Variants in NRXN1 observed in about 807,000 individuals in gnomAD.
The protein encoded by NRXN1 is neurexin-1.
Under a neutral mutation model 150.9 loss-of-function variants are expected in NRXN1, and 39 were observed. The ratio of observed to expected loss-of-function variants is 0.26; its 90% CI spans 0.20 to 0.34. The LOEUF (loss-of-function observed/expected upper bound fraction) is 0.34, where lower values mean the gene tolerates loss of function less well. NRXN1 is among the 10% of genes least tolerant of loss of function. The pLI, the probability that NRXN1 is intolerant of heterozygous loss-of-function variation, is 1.00. For missense variants in NRXN1, 1,815 were observed against 1,949.9 expected, an observed-to-expected ratio of 0.93 and a Z score of 1.30; for synonymous variants, 924 against 757.0, an observed-to-expected ratio of 1.22 and a Z score of -3.62.
chr2:50,728,056 TAATC>T (rs1304380967), intron 5 of NRXN1, among the ~76,000 whole-genome samples: 2 of 152,182 alleles, frequency 1.3e-5, no homozygotes, highest in Non-Finnish European at 2.9e-5. Context: ...TTAAACTTAA[TAATC>T]AACAGATCAA....
intron 5 of NRXN1, among the ~76,000 whole-genome samples, chr2:50,899,824 C>A (rs993227387): frequency 2.0e-5 from 3 of 152,200 alleles, no homozygotes; most frequent in African/African-American, 4.8e-5. Flanking sequence ...ACATGAACTG[C>A]AGTTTAAGAA....
chr2:50,250,290 G>T (rs1486832220), intron 17 of NRXN1, among the ~76,000 whole-genome samples: 2 of 151,968 alleles, frequency 1.3e-5, no homozygotes, highest in Non-Finnish European at 2.9e-5. Flanking sequence ...TATTTTCATA[G>T]AAGATAAAAT....
intron 17 of NRXN1, among the ~76,000 whole-genome samples, chr2:50,242,356 A>G (rs2066084062): frequency 6.6e-6 from 1 of 151,858 alleles, no homozygotes; most frequent in African/African-American, 2.4e-5. Context: ...AGAGTTTTAG[A>G]TCAGGGCAAC....
At chr2:50,475,817 C>T (rs1466540778) in intron 15 of NRXN1, among the ~76,000 whole-genome samples, 1 of 151,582 alleles carries the variant, frequency 6.6e-6, no homozygotes, top group Non-Finnish European at 1.5e-5. Context: ...GCCCTGTGTA[C>T]TATTATCACT....
chr2:50,712,111 G>C (rs1695244854), intron 5 of NRXN1, among the ~76,000 whole-genome samples: 1 of 152,008 alleles, frequency 6.6e-6, no homozygotes, highest in South Asian at 2.1e-4. Context: ...CACATGCTAA[G>C]TGCTATATAT....
At chr2:50,913,418 C>T (rs1684800601) in intron 5 of NRXN1, among the ~76,000 whole-genome samples, 1 of 151,606 alleles carries the variant, frequency 6.6e-6, no homozygotes, top group Admixed American at 6.6e-5. Context: ...TTTATAATGC[C>T]AAGTCCAGAA....
intron 5 of NRXN1, among the ~76,000 whole-genome samples, chr2:50,765,491 G>A (rs182853375): frequency 6.6e-6 from 1 of 152,168 alleles, no homozygotes; most frequent in East Asian, 1.9e-4. Context: ...TAAAGTGGTG[G>A]TGGAGAAGGA....
chr2:50,452,033 C>A (rs564379731), intron 17 of NRXN1, among the ~76,000 whole-genome samples: 1 of 152,040 alleles, frequency 6.6e-6, no homozygotes, highest in Non-Finnish European at 1.5e-5. Context: ...TCTCTGCATT[C>A]GCAAAATATT....
chr2:50,427,252 T>C (rs560659392), intron 17 of NRXN1, among the ~76,000 whole-genome samples: 9 of 152,160 alleles, frequency 5.9e-5, no homozygotes, highest in African/African-American at 2.2e-4. Flanking sequence ...ATACATAAAG[T>C]TGTGCAAGAA....
intron 17 of NRXN1, among the ~76,000 whole-genome samples, chr2:50,456,565 G>T (rs769744510): frequency 6.6e-5 from 10 of 152,066 alleles, no homozygotes; most frequent in Non-Finnish European, 1.2e-4. Context: ...AAGCAAAAGG[G>T]ATCCCTGGGC....
chr2:50,185,199 G>A (rs1270312582), intron 18 of NRXN1, among the ~76,000 whole-genome samples: 2 of 152,064 alleles, frequency 1.3e-5, no homozygotes, highest in Non-Finnish European at 2.9e-5. Flanking sequence ...AACATAGTTA[G>A]ATCTGAGTTG....
chr2:50,298,992 G>A (rs1290509858), intron 17 of NRXN1, among the ~76,000 whole-genome samples: 1 of 152,118 alleles, frequency 6.6e-6, no homozygotes, highest in African/African-American at 2.4e-5. Context: ...ATTTTCAAAA[G>A]ATATTGGCAT....
chr2:50,646,346 A>C (rs1259801584), intron 5 of NRXN1, among the ~76,000 whole-genome samples: 1 of 152,066 alleles, frequency 6.6e-6, no homozygotes, highest in African/African-American at 2.4e-5. Flanking sequence ...TTCCAGGCAG[A>C]TGCTGCATCA....
At chr2:50,316,826 T>C (rs551740998) in intron 17 of NRXN1, among the ~76,000 whole-genome samples, 1 of 151,800 alleles carries the variant, frequency 6.6e-6, no homozygotes, top group South Asian at 2.1e-4. Context: ...GGTAAAAAAA[T>C]GTCAAAATAT....
chr2:50,026,839 T>C (rs1688364726), intron 21 of NRXN1, among the ~76,000 whole-genome samples: 1 of 149,462 alleles, frequency 6.7e-6, no homozygotes, highest in African/African-American at 2.5e-5. Flanking sequence ...CTCACTTGCA[T>C]TGTTTAAGTC....
chr2:50,824,948 G>A (rs1234059294), intron 5 of NRXN1, among the ~76,000 whole-genome samples: 1 of 152,152 alleles, frequency 6.6e-6, no homozygotes, highest in African/African-American at 2.4e-5. Context: ...TTCAATCTTG[G>A]AGACCGGAAT....
intron 19 of NRXN1, among the ~76,000 whole-genome samples, chr2:50,075,182 T>G (rs1368974957): frequency 6.6e-6 from 1 of 152,242 alleles, no homozygotes; most frequent in Non-Finnish European, 1.5e-5. Context: ...AGAAGGACTT[T>G]GAACCCTATT....
At chr2:50,200,116 C>A (rs2062052952) in intron 18 of NRXN1, among the ~76,000 whole-genome samples, 1 of 152,016 alleles carries the variant, frequency 6.6e-6, no homozygotes, top group African/African-American at 2.4e-5. Flanking sequence ...CTACTCATTA[C>A]CTATTATAAA....
Position 51,028,598 on chromosome 2 carries a change from C to A in NRXN1, c.-325G>T. 1 of 296,324 alleles carries A rather than the reference C, an allele frequency of 3.4e-6. No homozygotes were observed. The highest frequency in any genetic ancestry group is 6.2e-6 in the Non-Finnish European group (1 of 161,326). The allele number at this position is 296,324 out of a possible 1,614,324, so 18.4% of individuals were successfully genotyped here. On this transcript the variant is annotated 5_prime_UTR_variant, in exon 2 of 23. Transcript: ENST00000401669. ...TTCAACAAAAGATCAAGGGAAAGCA[C>A]TGACCCATTTGAGTCTGATTAACTA...
Sources: allele counts gnomAD v4.1 joint callset (sites outside exome capture counted in the v4.1 genomes callset), GRCh38; gene constraint gnomAD v4.1.1; transcripts MANE v1.5; gene names NCBI Gene and HGNC (gene_info 2026-07-23, HGNC 2026-07-21).